Variants in RAPGEF6 observed in about 807,000 individuals in gnomAD.
RAPGEF6 encodes PDZ domain containing guanine nucleotide exchange factor (GEF) 2.
In RAPGEF6, 56 loss-of-function variants were observed where a neutral mutation model predicts 171.4. That is an observed-to-expected ratio of 0.33 (90% confidence interval 0.26 to 0.41). The LOEUF (loss-of-function observed/expected upper bound fraction) is 0.41, where lower values mean the gene tolerates loss of function less well. Among genes scored for constraint, RAPGEF6 ranks in the 10% least tolerant of loss-of-function variants. The pLI, the probability that RAPGEF6 is intolerant of heterozygous loss-of-function variation, is 1.00. For missense variants in RAPGEF6, 1,674 were observed against 1,921.4 expected (o/e 0.87, Z 2.41); for synonymous variants, 692 against 650.1 (o/e 1.06, Z -0.98).
At chr5:131,483,453 G>A (rs1245629067) in intron 15 of RAPGEF6, among the ~76,000 whole-genome samples, 1 of 151,566 alleles carries the variant, frequency 6.6e-6, no homozygotes, top group Non-Finnish European at 1.5e-5. Flanking sequence ...AGAAATGATT[G>A]CGTTAAATTA....
intron 9 of RAPGEF6, 55 bp from the exon 10 acceptor site, chr5:131,505,577 T>C: frequency 6.8e-7 from 1 of 1,471,182 alleles, no homozygotes; most frequent in Non-Finnish European, 9.3e-7. Context: ...AGTTACATGT[T>C]AACTTTGAAA....
intron 21 of RAPGEF6, chr5:131,449,963 T>C (rs1011414245): frequency 3.3e-5 from 48 of 1,470,124 alleles, no homozygotes; most frequent in East Asian, 4.9e-5. Flanking sequence ...ATGAAAAGGA[T>C]GCAATATATG....
In RAPGEF6 at chr5:131,502,782, T is replaced by C. The variant is rs144174280; in HGVS notation, c.1254+1844A>G. Among the ~76,000 whole-genome samples, 749 of 152,184 alleles carry C rather than the reference T, an allele frequency of 4.9e-3. 9 individuals are homozygous for C. The highest frequency in any genetic ancestry group is 0.018 in the African/African-American group (731 of 41,530). On this transcript the variant is annotated intron_variant, in intron 11 of 27. Transcript: ENST00000509018. ...TAGCTGGTGAAAATCTAAATAGGGT[T>C]TCTGGACTGAATCTGTTTTTGTTTG... is the stretch of plus-strand genomic sequence containing the variant.
intron 24 of RAPGEF6, among the ~76,000 whole-genome samples, chr5:131,434,946 T>C (rs1751926887): frequency 6.6e-6 from 1 of 152,244 alleles, no homozygotes; most frequent in African/African-American, 2.4e-5. Flanking sequence ...TAGGGTTTAG[T>C]AGATATGTGA....
At chr5:131,439,767 C>A in intron 23 of RAPGEF6, 52 bp from the exon 24 acceptor site, 1 of 1,584,622 alleles carries the variant, frequency 6.3e-7, no homozygotes, top group South Asian at 1.1e-5. Flanking sequence ...ATTAAAATGT[C>A]TATAGTTGCC....
chr5:131,449,903 G>T, intron 21 of RAPGEF6: 1 of 1,104,120 alleles, frequency 9.1e-7, no homozygotes, highest in Non-Finnish European at 1.3e-6. Flanking sequence ...TGTCAGGAAT[G>T]TAGGCTGACA....
At chr5:131,626,214 C>A (rs1765920958) in intron 1 of RAPGEF6, among the ~76,000 whole-genome samples, 1 of 152,114 alleles carries the variant, frequency 6.6e-6, no homozygotes, top group Non-Finnish European at 1.5e-5. Flanking sequence ...TCATTTTCAT[C>A]CCCTCCCAAA....
intron 3 of RAPGEF6, among the ~76,000 whole-genome samples, chr5:131,592,745 T>A (rs1239425810): frequency 6.6e-6 from 1 of 152,160 alleles, no homozygotes; most frequent in East Asian, 1.9e-4. Flanking sequence ...AAAACAACAA[T>A]CATTGTTTAT....
chr5:131,444,035 G>A (rs1293939536), intron 22 of RAPGEF6, among the ~76,000 whole-genome samples: 1 of 152,136 alleles, frequency 6.6e-6, no homozygotes, highest in Non-Finnish European at 1.5e-5. Flanking sequence ...CTTCCATCAG[G>A]GAGTACTTTT....
intron 4 of RAPGEF6, among the ~76,000 whole-genome samples, chr5:131,580,387 C>T (rs1006279500): frequency 4.6e-5 from 7 of 152,130 alleles, no homozygotes; most frequent in African/African-American, 1.7e-4. Flanking sequence ...GAGCGCTGAG[C>T]GCAGCCCCTG....
intron 3 of RAPGEF6, among the ~76,000 whole-genome samples, chr5:131,594,462 T>G (rs574133139): frequency 1.3e-5 from 2 of 152,320 alleles, no homozygotes; most frequent in Non-Finnish European, 2.9e-5. Context: ...AGAGCCCTCA[T>G]GGAGAACCTC....
chr5:131,616,908 C>T (rs1765298796), intron 1 of RAPGEF6, among the ~76,000 whole-genome samples: 1 of 152,172 alleles, frequency 6.6e-6, no homozygotes, highest in African/African-American at 2.4e-5. Flanking sequence ...CACCCAGGCA[C>T]ACAAAACTTT....
At chr5:131,469,928 G>A in intron 17 of RAPGEF6, 1 of 760,716 alleles carries the variant, frequency 1.3e-6, no homozygotes, top group Non-Finnish European at 2.0e-6. Context: ...TGAAAATGAA[G>A]GATAAATATA....
In RAPGEF6 at chr5:131,602,091, G is replaced by A. The variant is rs147980765; in HGVS notation, c.197+1180C>T. ...TTTTAAAAAACTGTCACAATCTCCT[G>A]AATTTGAACATGCACATTTCCACTA... On this transcript the variant is annotated intron_variant, in intron 3 of 27. Coordinates refer to ENST00000509018, the MANE Select transcript of RAPGEF6 (RefSeq NM_016340.6). Among the ~76,000 whole-genome samples the A allele has an allele frequency of 3.2e-3, 484 of 151,714 alleles. 3 individuals carry two copies. The highest frequency in any genetic ancestry group is 0.011 in the African/African-American group (460 of 41,356).
At chr5:131,433,020 T>C (rs577484344) in intron 25 of RAPGEF6, among the ~76,000 whole-genome samples, 7 of 152,200 alleles carry the variant, frequency 4.6e-5, no homozygotes, top group African/African-American at 1.4e-4. Context: ...AATTACACTT[T>C]CAGAGGACAG....
chr5:131,599,127 G>A (rs767164515), intron 3 of RAPGEF6, among the ~76,000 whole-genome samples: 2 of 152,102 alleles, frequency 1.3e-5, no homozygotes, highest in African/African-American at 4.8e-5. Flanking sequence ...CCTGGCCAAC[G>A]TGGTGAAACC....
intron 1 of RAPGEF6, among the ~76,000 whole-genome samples, chr5:131,614,392 G>C (rs1765144736): frequency 6.6e-6 from 1 of 152,042 alleles, no homozygotes; most frequent in African/African-American, 2.4e-5. Context: ...TGTACAGGAT[G>C]CATGCCTGGG....
At chr5:131,469,630 C>CA (rs933927909) in intron 17 of RAPGEF6, among the ~76,000 whole-genome samples, 2 of 151,782 alleles carry the variant, frequency 1.3e-5, no homozygotes, top group African/African-American at 4.8e-5. Flanking sequence ...TATATATATT[C>CA]AAAAAAATGA....
At chr5:131,614,184 A>C (rs925829043) in intron 1 of RAPGEF6, among the ~76,000 whole-genome samples, 5 of 147,780 alleles carry the variant, frequency 3.4e-5, no homozygotes, top group African/African-American at 1.2e-4. Flanking sequence ...TGGGAGGCTG[A>C]GGCAGGAGAA....
Sources: gnomAD v4.1 joint callset for allele counts (sites outside exome capture counted in the v4.1 genomes callset) on GRCh38, gnomAD v4.1.1 for gene constraint, MANE v1.5 for transcripts, NCBI Gene and HGNC (gene_info 2026-07-23, HGNC 2026-07-21) for gene names.